Variants in KDM6A observed in about 807,000 individuals in gnomAD.
KDM6A encodes lysine demethylase 6A, also known as lysine-specific demethylase 6A.
A neutral mutation model predicts 117.6 loss-of-function variants in KDM6A; 11 were observed. The ratio of observed to expected loss-of-function variants is 0.09; its 90% CI spans 0.06 to 0.15. KDM6A has a LOEUF of 0.15. Among genes scored for constraint, KDM6A ranks in the 10% least tolerant of loss-of-function variants. KDM6A has a pLI of 1.00. For missense variants in KDM6A, 799 were observed against 1,077.3 expected (o/e 0.74, Z 3.62); for synonymous variants, 384 against 396.1 (o/e 0.97, Z 0.36).
chrX:45,104,705 C>T (rs1477063980), intron 27 of KDM6A, among the ~76,000 whole-genome samples: 2 of 111,227 alleles, frequency 1.8e-5, no homozygotes, highest in Non-Finnish European at 3.8e-5. Flanking sequence ...ACAAAAATTT[C>T]CAATGTTAAA....
At chrX:44,943,344 A>C (rs1279745932) in intron 2 of KDM6A, among the ~76,000 whole-genome samples, 1 of 106,535 alleles carries the variant, frequency 9.4e-6, no homozygotes, top group Non-Finnish European at 1.9e-5. Context: ...GAAAAGCAAT[A>C]TTTTATTGCT....
chrX:44,985,838 G>A (rs1226835774), intron 4 of KDM6A, among the ~76,000 whole-genome samples: 14 of 110,811 alleles, frequency 1.3e-4, no homozygotes, highest in Non-Finnish European at 2.1e-4. Context: ...TTTTTGCATC[G>A]ATGTTCATCA....
rs748403617 is a variant in KDM6A, at chrX:45,063,787, G to A, written c.2049G>A (p.Pro683=). 3.7e-5 allele frequency: 44 copies of A among 1,201,175 alleles called. No individual in the cohort carries two copies. Among genetic ancestry groups the A allele is most frequent in the Middle Eastern group, 4.6e-4 (2 of 4,365 alleles). Residue 683 remains proline (P), a synonymous_variant, in exon 17 of 30, where the codon CCG becomes CCA. Transcript: ENST00000611820. ...ACCTGACCAGCAGCGCAGAGGAGCCGTGGAAAAACCAACTATCTAACTCCA... is the reference window on the plus strand; with the variant it reads ...ACCTGACCAGCAGCGCAGAGGAGCCATGGAAAAACCAACTATCTAACTCCA... ...RTNLTSSAEE[P]WKNQLSNSTQ...
chrX:45,076,545 T>C (rs759630697), intron 18 of KDM6A, 152 bp from the exon 19 acceptor site: 13 of 442,889 alleles, frequency 2.9e-5, no homozygotes, highest in Non-Finnish European at 5.1e-5. Flanking sequence ...ATAATCATTC[T>C]TAGTGTTTTT....
chrX:44,875,010 A>G (rs1385656497), intron 2 of KDM6A, among the ~76,000 whole-genome samples: 1 of 112,452 alleles, frequency 8.9e-6, no homozygotes, highest in Admixed American at 9.5e-5. Flanking sequence ...GCTATTGAAC[A>G]AAGGCTGGAG....
intron 2 of KDM6A, among the ~76,000 whole-genome samples, chrX:44,954,084 T>G (rs2038180001): frequency 2.7e-5 from 3 of 109,203 alleles, no homozygotes; most frequent in African/African-American, 1.0e-4. Flanking sequence ...TAATAATACT[T>G]AAGATTATTT....
At chrX:44,895,841 CT>C (rs765739399) in intron 2 of KDM6A, among the ~76,000 whole-genome samples, 174 of 97,933 alleles carry the variant, frequency 1.8e-3, no homozygotes, top group East Asian at 2.2e-3. Context: ...CATTCATCTG[CT>C]TTTTTTTTTT....
intron 2 of KDM6A, among the ~76,000 whole-genome samples, chrX:44,938,996 T>C (rs2037138237): frequency 8.9e-6 from 1 of 112,509 alleles, no homozygotes; most frequent in Non-Finnish European, 1.9e-5. Context: ...TTACTGCTTA[T>C]TGACGATGCA....
intron 9 of KDM6A, 79 bp from the exon 10 acceptor site, chrX:45,053,750 T>A (rs1388576732): frequency 3.6e-6 from 3 of 841,621 alleles, no homozygotes; most frequent in Non-Finnish European, 5.2e-6. Flanking sequence ...CTTTTTTGGT[T>A]TGTTTTCTGC....
intron 5 of KDM6A, among the ~76,000 whole-genome samples, chrX:45,019,251 C>T (rs919974657): frequency 1.8e-5 from 2 of 111,152 alleles, no homozygotes; most frequent in African/African-American, 6.6e-5. Flanking sequence ...AGCCTATATA[C>T]ATCAGATAAT....
At chrX:44,902,926 C>T (rs1042508789) in intron 2 of KDM6A, among the ~76,000 whole-genome samples, 1 of 111,627 alleles carries the variant, frequency 9.0e-6, no homozygotes, top group Non-Finnish European at 1.9e-5. Flanking sequence ...ATAGCTTTCT[C>T]AGACCTCTTT....
intron 2 of KDM6A, among the ~76,000 whole-genome samples, chrX:44,943,194 G>T (rs926166370): frequency 9.0e-6 from 1 of 111,212 alleles, no homozygotes; most frequent in African/African-American, 3.3e-5. Context: ...CCATACCACC[G>T]TAAGAAAGCA....
intron 2 of KDM6A, among the ~76,000 whole-genome samples, chrX:44,947,850 T>C (rs1027221340): frequency 8.9e-6 from 1 of 111,985 alleles, no homozygotes; most frequent in African/African-American, 3.2e-5. Flanking sequence ...GTTATCTTAT[T>C]TGACTCTTCT....
chrX:44,980,044 T>C (rs1188601684), intron 4 of KDM6A, among the ~76,000 whole-genome samples: 1 of 102,849 alleles, frequency 9.7e-6, no homozygotes, highest in Non-Finnish European at 2.0e-5. Flanking sequence ...TCGCCTAGGC[T>C]GGAGTGCAGT....
At chrX:44,981,732 C>G (rs957285003) in intron 4 of KDM6A, among the ~76,000 whole-genome samples, 33 of 111,097 alleles carry the variant, frequency 3.0e-4, no homozygotes, top group African/African-American at 1.0e-3. Context: ...CATTACAGCC[C>G]CCAACCTGAA....
chrX:45,102,013 T>C (rs1019197383), intron 27 of KDM6A, among the ~76,000 whole-genome samples: 1 of 111,593 alleles, frequency 9.0e-6, no homozygotes, highest in Non-Finnish European at 1.9e-5. Context: ...TAGAATCTGC[T>C]CTTGCCCACT....
At chrX:44,957,920 T>C (rs2038432311) in intron 2 of KDM6A, among the ~76,000 whole-genome samples, 1 of 112,043 alleles carries the variant, frequency 8.9e-6, no homozygotes, top group Non-Finnish European at 1.9e-5. Context: ...AGCCACATGT[T>C]TGTTTAAATA....
In KDM6A at chrX:45,087,601, A is replaced by G. The variant is rs1331503540; in HGVS notation, c.3704+1622A>G. ...GAACATTGTTATATGGGAAATCTCC[A>G]TTGTGCTATAGAAAGATTTTTATTT... is the stretch of plus-strand genomic sequence containing the variant. On this transcript the variant is annotated intron_variant, in intron 25 of 29. Transcript: ENST00000611820. Among the ~76,000 whole-genome samples the G allele has an allele frequency of 2.7e-5, 3 of 112,092 alleles. No individual in the cohort carries two copies. The Admixed American group carries it at 2.8e-4, about 11-fold the overall frequency.
chrX:44,895,245 A>G (rs2146633914), intron 2 of KDM6A, among the ~76,000 whole-genome samples: 1 of 108,476 alleles, frequency 9.2e-6, no homozygotes, highest in South Asian at 3.9e-4. Flanking sequence ...AGCTGGGACT[A>G]CAGGTGCCTG....
Sources: allele counts gnomAD v4.1 joint callset (sites outside exome capture counted in the v4.1 genomes callset), GRCh38; gene constraint gnomAD v4.1.1; transcripts MANE v1.5; gene names NCBI Gene and HGNC (gene_info 2026-07-23, HGNC 2026-07-21).